Variants in TCF4 observed in about 807,000 individuals in gnomAD.
The protein encoded by TCF4 is transcription factor 4, also known as SL3-3 enhancer factor 2.
Under a neutral mutation model 82.1 loss-of-function variants are expected in TCF4, and 3 were observed. The ratio of observed to expected loss-of-function variants is 0.04; its 90% confidence interval spans 0.02 to 0.09. The LOEUF is 0.09. TCF4 is among the 10% of genes least tolerant of loss of function. TCF4 has a pLI of 1.00. For synonymous variants in TCF4, 276 were observed against 309.6 expected (o/e 0.89, Z 1.14); for missense variants, 518 against 852.7 (o/e 0.61, Z 4.89).
chr18:55,459,153 G>C (rs1266074734), intron 5 of TCF4, among the ~76,000 whole-genome samples: 1 of 152,162 alleles, frequency 6.6e-6, no homozygotes, highest in Non-Finnish European at 1.5e-5. Context: ...TAATGGGAAG[G>C]AGGGCAGACA....
Position 55,588,028 on chromosome 18 carries a change from C to T in TCF4, c.-21+10G>A, listed in dbSNP as rs886053960. On this transcript the variant is annotated intron_variant, in intron 1 of 19. Transcript: ENST00000354452. ...CCGCCCCGCCGAGCCCCGCAGGCGC[C>T]GGTACCTACCGCCCGCGCGCGAGAA... 3 of 982,008 alleles carry T rather than the reference C, an allele frequency of 3.1e-6. No homozygotes were observed. The highest frequency in any genetic ancestry group is 3.6e-6 in the Non-Finnish European group (3 of 828,582). 60.8% of individuals were successfully genotyped at this position (982,008 alleles called of 1,614,324 possible).
chr18:55,634,595 G>A (rs2097734479), intron 1 of TCF4, among the ~76,000 whole-genome samples: 1 of 152,110 alleles, frequency 6.6e-6, no homozygotes. Flanking sequence ...CATACTGAAG[G>A]GCATTGGATG....
At chr18:55,563,411 TA>T (rs573137241) in intron 3 of TCF4, among the ~76,000 whole-genome samples, 1 of 151,948 alleles carries the variant, frequency 6.6e-6, no homozygotes, top group South Asian at 2.1e-4. Flanking sequence ...CTCAGAAAAA[TA>T]AAAAATTAGT....
At chr18:55,313,016 T>C (rs979127350) in intron 8 of TCF4, among the ~76,000 whole-genome samples, 4 of 152,184 alleles carry the variant, frequency 2.6e-5, no homozygotes, top group Admixed American at 1.3e-4. Context: ...GTGATGGAAT[T>C]TTATCTTTTA....
chr18:55,239,978 T>C (rs959761443), intron 15 of TCF4, among the ~76,000 whole-genome samples: 2 of 152,236 alleles, frequency 1.3e-5, no homozygotes, highest in African/African-American at 2.4e-5. Flanking sequence ...TAGTTAATGT[T>C]ATCTCCAGAG....
intron 8 of TCF4, among the ~76,000 whole-genome samples, chr18:55,301,803 A>AG: frequency 6.8e-6 from 1 of 147,692 alleles, no homozygotes; most frequent in South Asian, 2.4e-4. Flanking sequence ...AAAAAAAAAA[A>AG]AAAAAAAAAG....
chr18:55,314,958 C>T (rs1233885833), intron 8 of TCF4, among the ~76,000 whole-genome samples: 1 of 152,082 alleles, frequency 6.6e-6, no homozygotes, highest in African/African-American at 2.4e-5. Context: ...CAAATGTTAG[C>T]CTCCATTGTT....
At chr18:55,255,762 G>A (rs1264405260) in intron 14 of TCF4, among the ~76,000 whole-genome samples, 1 of 152,096 alleles carries the variant, frequency 6.6e-6, no homozygotes, top group African/African-American at 2.4e-5. Flanking sequence ...CACACTGCTA[G>A]GAAATGGTAA....
chr18:55,375,754 G>A (rs1372599705), intron 6 of TCF4, among the ~76,000 whole-genome samples: 1 of 151,640 alleles, frequency 6.6e-6, no homozygotes, highest in Non-Finnish European at 1.5e-5. Context: ...AATCATAATG[G>A]AACAAAAATA....
At chr18:55,358,800 T>A (rs1248840023) in intron 6 of TCF4, among the ~76,000 whole-genome samples, 1 of 152,152 alleles carries the variant, frequency 6.6e-6, no homozygotes, top group Non-Finnish European at 1.5e-5. Context: ...TGAGTGCCAC[T>A]TACCCCCTGG....
At chr18:55,401,366 A>G in intron 6 of TCF4, 1 of 1,113,828 alleles carries the variant, frequency 9.0e-7, no homozygotes, top group Non-Finnish European at 1.1e-6. Context: ...ACTCACAACC[A>G]TGAAGCACAA....
At chr18:55,400,074 T>C (rs2093732981) in intron 6 of TCF4, among the ~76,000 whole-genome samples, 1 of 152,082 alleles carries the variant, frequency 6.6e-6, no homozygotes, top group Admixed American at 6.6e-5. Flanking sequence ...ATTAAAAAAA[T>C]AGATTTTAGC....
chr18:55,485,761 C>T (rs780344841), intron 3 of TCF4, among the ~76,000 whole-genome samples: 1 of 152,200 alleles, frequency 6.6e-6, no homozygotes, highest in Non-Finnish European at 1.5e-5. Context: ...TTTAGCTATA[C>T]GCATTTTTCT....
chr18:55,240,413 G>A (rs1182881263), intron 15 of TCF4, among the ~76,000 whole-genome samples: 1 of 152,190 alleles, frequency 6.6e-6, no homozygotes, highest in Non-Finnish European at 1.5e-5. Context: ...AATTATACAT[G>A]ACAGTTGTAG....
rs552515372 is a variant in TCF4 at position 55,619,130 on chromosome 18, T to A, written c.286+12168A>T. 1.7e-4 allele frequency among the ~76,000 whole-genome samples: 26 copies of A among 152,128 alleles called. No individual in the cohort carries two copies. In the South Asian group the frequency reaches 5.4e-3, roughly 32 times the overall value. On this transcript the variant is annotated intron_variant, in intron 2 of 20. Transcript: ENST00000398339. Reference sequence around the variant, plus strand: ...CTGTGGTTTTGGGTTTTGTTTTGGGTTGTTTTATGTTTGTTTGTTTGTTTG... The same window carrying A: ...CTGTGGTTTTGGGTTTTGTTTTGGGATGTTTTATGTTTGTTTGTTTGTTTG...
At chr18:55,266,366 G>T (rs953921608) in intron 11 of TCF4, 1 of 152,142 alleles carries the variant, frequency 6.6e-6, no homozygotes, top group African/African-American at 2.4e-5. Flanking sequence ...CATTGAAAAA[G>T]TTTGAAGAAC....
intron 15 of TCF4, among the ~76,000 whole-genome samples, chr18:55,235,886 G>C (rs1007473574): frequency 6.6e-6 from 1 of 151,942 alleles, no homozygotes; most frequent in African/African-American, 2.4e-5. Flanking sequence ...ATTTTAAAAG[G>C]GTATTTCCAA....
chr18:55,369,414 C>T (rs2088253042), intron 6 of TCF4, among the ~76,000 whole-genome samples: 1 of 152,162 alleles, frequency 6.6e-6, no homozygotes, highest in African/African-American at 2.4e-5. Flanking sequence ...AGAGAAAGAA[C>T]CAGAAGTCCC....
rs551524245 is a variant in TCF4 at position 55,260,142 on chromosome 18, A to G, written c.991-115T>C. 46 of 773,306 alleles carry G rather than the reference A, an allele frequency of 5.9e-5. No homozygotes were observed. In the African/African-American group the frequency reaches 6.6e-4, roughly 11 times the overall value. The allele number at this position is 773,306 out of a possible 1,614,324, so 47.9% of individuals were successfully genotyped here. Reference sequence around the variant, plus strand: ...TTAGAACTTACAAGTTACAGCATACATGTAATAATCAACTACAGTACCAAA... The same window carrying G: ...TTAGAACTTACAAGTTACAGCATACGTGTAATAATCAACTACAGTACCAAA... On this transcript the variant is annotated intron_variant, in intron 12 of 19. Transcript: ENST00000354452.
Sources: allele counts gnomAD v4.1 joint callset (sites outside exome capture counted in the v4.1 genomes callset), GRCh38; gene constraint gnomAD v4.1.1; transcripts MANE v1.5; gene names NCBI Gene and HGNC (gene_info 2026-07-23, HGNC 2026-07-21).